ARK2C: variants seen among roughly 807,000 people sequenced by gnomAD.
The protein encoded by ARK2C is E3 ubiquitin-protein ligase ARK2C.
the ARK2C span, among the ~76,000 whole-genome samples, chr18:46,354,018 C>A: frequency 2.6e-5 from 4 of 152,188 alleles, no homozygotes; most frequent in Non-Finnish European, 4.4e-5. Flanking sequence ...GGGGAGAAGA[C>A]AAGCTCCCCA....
the ARK2C span, among the ~76,000 whole-genome samples, chr18:46,355,452 G>A: frequency 6.6e-6 from 1 of 152,274 alleles, no homozygotes; most frequent in East Asian, 1.9e-4. Flanking sequence ...GATCACAGGA[G>A]ATCCTTGCTG....
chr18:46,427,144 C>A, the ARK2C span, among the ~76,000 whole-genome samples: 1 of 152,220 alleles, frequency 6.6e-6, no homozygotes, highest in Non-Finnish European at 1.5e-5. Flanking sequence ...AAGAACCACT[C>A]TGGGGATGGA....
At chr18:46,342,064 GT>G in the ARK2C span, among the ~76,000 whole-genome samples, 2 of 152,124 alleles carry the variant, frequency 1.3e-5, no homozygotes, top group Non-Finnish European at 2.9e-5. Context: ...GCAAAGAGGG[GT>G]TTTTTCGCAA....
At chr18:46,396,081 T>C in the ARK2C span, among the ~76,000 whole-genome samples, 4 of 152,200 alleles carry the variant, frequency 2.6e-5, no homozygotes, top group African/African-American at 9.7e-5. Context: ...GGCAGGAATC[T>C]TAGAGACACA....
At chr18:46,393,581 T>C in the ARK2C span, among the ~76,000 whole-genome samples, 1 of 152,176 alleles carries the variant, frequency 6.6e-6, no homozygotes, top group Non-Finnish European at 1.5e-5. Context: ...CTTATGCTGT[T>C]TAATCAGCAA....
the ARK2C span, among the ~76,000 whole-genome samples, chr18:46,397,019 C>T: frequency 6.6e-5 from 10 of 152,312 alleles, no homozygotes; most frequent in East Asian, 9.7e-4. Context: ...GCTGGCTGTG[C>T]GAGCGTGGCC....
chr18:46,440,883 C>A, the ARK2C span, among the ~76,000 whole-genome samples: 1 of 151,664 alleles, frequency 6.6e-6, no homozygotes, highest in Admixed American at 6.6e-5. Context: ...CTTGAAATGC[C>A]TTTGTCTGAT....
chr18:46,374,013 T>C, the ARK2C span, among the ~76,000 whole-genome samples: 1 of 151,962 alleles, frequency 6.6e-6, no homozygotes, highest in Non-Finnish European at 1.5e-5. Context: ...TGTTTCTAAT[T>C]ACTCCTGGTG....
chr18:46,334,774 T>G, the ARK2C span: 2 of 291,368 alleles, frequency 6.9e-6, no homozygotes, highest in Non-Finnish European at 1.2e-5. This position sits in a 1 kb window ranked among gnomAD's most constrained non-coding sequence, Gnocchi z 4.4. Flanking sequence ...TTTGCTTTTT[T>G]TGAGGTATAT....
chr18:46,373,871 C>G, the ARK2C span, among the ~76,000 whole-genome samples: 1 of 152,172 alleles, frequency 6.6e-6, no homozygotes, highest in South Asian at 2.1e-4. Flanking sequence ...CTCCCACCCC[C>G]GGTCCCAGAC....
At chr18:46,423,973 T>C in the ARK2C span, among the ~76,000 whole-genome samples, 1 of 152,234 alleles carries the variant, frequency 6.6e-6, no homozygotes, top group South Asian at 2.1e-4. Flanking sequence ...CTCATTATCC[T>C]CCTGTCTCAG....
the ARK2C span, among the ~76,000 whole-genome samples, chr18:46,429,768 C>A: frequency 1.3e-5 from 2 of 151,526 alleles, no homozygotes; most frequent in East Asian, 1.9e-4. Context: ...TTAAAATACT[C>A]TTTTTTTTTC....
At chr18:46,360,109 C>G in the ARK2C span, among the ~76,000 whole-genome samples, 3 of 152,194 alleles carry the variant, frequency 2.0e-5, no homozygotes, top group African/African-American at 7.2e-5. Context: ...AGACGCATCA[C>G]AAGTCCATGC....
At chr18:46,410,327 G>A in the ARK2C span, among the ~76,000 whole-genome samples, 2 of 152,200 alleles carry the variant, frequency 1.3e-5, no homozygotes, top group Non-Finnish European at 2.9e-5. Flanking sequence ...TGTTCCAGGT[G>A]CTCAATGTCT....
At chr18:46,402,645 G>A in the ARK2C span, among the ~76,000 whole-genome samples, 7 of 152,166 alleles carry the variant, frequency 4.6e-5, no homozygotes, top group South Asian at 1.4e-3. Context: ...GGGACCACAG[G>A]CATGCACCAC....
chr18:46,393,995 C>A, the ARK2C span, among the ~76,000 whole-genome samples: 1 of 152,232 alleles, frequency 6.6e-6, no homozygotes, highest in Non-Finnish European at 1.5e-5. Context: ...TGGCCCCTGG[C>A]ATCATGGGAA....
At chr18:46,403,173 C>T in the ARK2C span, among the ~76,000 whole-genome samples, 1 of 152,234 alleles carries the variant, frequency 6.6e-6, no homozygotes, top group Non-Finnish European at 1.5e-5. Context: ...GCTTCCAGGC[C>T]ATTGGAATCT....
At chr18:46,381,291 C>T in the ARK2C span, among the ~76,000 whole-genome samples, 2 of 152,212 alleles carry the variant, frequency 1.3e-5, no homozygotes, top group East Asian at 3.9e-4. Flanking sequence ...CAGGTTCTGC[C>T]ATGTGGGGCC....
chr18:46,351,532 T>A, the ARK2C span, among the ~76,000 whole-genome samples: 1 of 152,106 alleles, frequency 6.6e-6, no homozygotes, highest in Admixed American at 6.5e-5. Flanking sequence ...CCTGCCATTG[T>A]CCTCCCTCAG....
Sources: gnomAD v4.1 joint callset for allele counts (sites outside exome capture counted in the v4.1 genomes callset) on GRCh38, gnomAD v4.1.1 for gene constraint, Gnocchi (gnomAD v3.1) non-coding constraint, MANE v1.5 for transcripts, NCBI Gene and HGNC (gene_info 2026-07-23, HGNC 2026-07-21) for gene names.